Variants in DNM3 observed in about 807,000 individuals in gnomAD.
The protein encoded by DNM3 is dynamin-3.
Under a neutral mutation model 101.6 loss-of-function variants are expected in DNM3, and 47 were observed. That is an observed-to-expected ratio of 0.46 (90% CI 0.37 to 0.59). The LOEUF (loss-of-function observed/expected upper bound fraction) is 0.59. DNM3 is among the 20% of genes least tolerant of loss of function. The pLI is 0.00. For missense variants in DNM3, 849 were observed against 1,085.7 expected (o/e 0.78, Z 3.06); for synonymous variants, 385 against 387.9 (o/e 0.99, Z 0.09).
At chr1:172,259,821 CTTTT>C (rs2062567848) in intron 15 of DNM3, among the ~76,000 whole-genome samples, 2 of 151,586 alleles carry the variant, frequency 1.3e-5, no homozygotes, top group African/African-American at 2.4e-5. Flanking sequence ...TTTTTCCTTT[CTTTT>C]TCTCTCATAA....
chr1:172,118,851 C>T (rs1209597542), intron 13 of DNM3, among the ~76,000 whole-genome samples: 1 of 152,178 alleles, frequency 6.6e-6, no homozygotes, highest in Non-Finnish European at 1.5e-5. Context: ...TGAAGCTCCT[C>T]TCTGAGTCCC....
chr1:172,357,547 G>A (rs760237869), intron 17 of DNM3, among the ~76,000 whole-genome samples: 2 of 151,934 alleles, frequency 1.3e-5, no homozygotes, highest in African/African-American at 2.4e-5. Flanking sequence ...AATTATTAGG[G>A]TCATAAAAGA....
At chr1:172,065,744 C>T (rs2051604626) in intron 10 of DNM3, among the ~76,000 whole-genome samples, 1 of 152,118 alleles carries the variant, frequency 6.6e-6, no homozygotes, top group African/African-American at 2.4e-5. Context: ...GTAACCAAAG[C>T]AGTCAGGTTT....
At chr1:171,920,713 G>T (rs995311753) in intron 1 of DNM3, among the ~76,000 whole-genome samples, 13 of 152,174 alleles carry the variant, frequency 8.5e-5, no homozygotes, top group African/African-American at 2.4e-4. Context: ...ATGTGGCATT[G>T]CAGATGTAAT....
chr1:172,372,988 G>A (rs2068423687), intron 17 of DNM3, among the ~76,000 whole-genome samples: 1 of 151,756 alleles, frequency 6.6e-6, no homozygotes, highest in East Asian at 1.9e-4. Context: ...CCTGTGATGA[G>A]AATTTTTAAG....
At chr1:172,177,360 G>A (rs1427631651) in intron 14 of DNM3, among the ~76,000 whole-genome samples, 1 of 151,684 alleles carries the variant, frequency 6.6e-6, no homozygotes, top group Non-Finnish European at 1.5e-5. Context: ...ATCTCTTACA[G>A]TGCCTAATTT....
intron 8 of DNM3, among the ~76,000 whole-genome samples, chr1:172,042,785 T>C (rs1185098155): frequency 1.3e-4 from 20 of 152,124 alleles, no homozygotes; most frequent in Admixed American, 1.3e-3. Flanking sequence ...AGGGAGGAAG[T>C]GTCCAGTTCA....
chr1:172,110,390 T>G lies in DNM3; in HGVS notation c.1545+17515T>G, dbSNP rs77745356. On this transcript the variant is annotated intron_variant, in intron 13 of 20. Coordinates refer to ENST00000627582, the MANE Select transcript of DNM3 (RefSeq NM_015569.5). ...CTTGTTTAATGTCCATCTCCCCAAT[T>G]TGACTATATGCTCAGTTAGATCAGG... Among the ~76,000 whole-genome samples, 38 of 152,352 alleles carry G rather than the reference T, an allele frequency of 2.5e-4. No individual in the cohort carries two copies. In the East Asian group the frequency reaches 6.9e-3, roughly 28 times the overall value.
intron 2 of DNM3, among the ~76,000 whole-genome samples, chr1:171,956,306 C>T (rs2042853699): frequency 6.6e-6 from 1 of 152,140 alleles, no homozygotes; most frequent in Non-Finnish European, 1.5e-5. Context: ...TGGGGGTACC[C>T]ACTGGATAAA....
chr1:172,111,723 A>G (rs2055494660), intron 13 of DNM3, among the ~76,000 whole-genome samples: 2 of 152,230 alleles, frequency 1.3e-5, no homozygotes, highest in South Asian at 4.1e-4. Context: ...AAACTCAGAT[A>G]GTGAACAGAG....
chr1:172,385,202 A>C (rs796432307), intron 18 of DNM3, among the ~76,000 whole-genome samples: 69 of 152,366 alleles, frequency 4.5e-4, no homozygotes, highest in African/African-American at 1.6e-3. Flanking sequence ...TGAAACATTT[A>C]CCATCTTATG....
At chr1:172,334,917 C>T (rs893508482) in intron 17 of DNM3, among the ~76,000 whole-genome samples, 12 of 152,032 alleles carry the variant, frequency 7.9e-5, no homozygotes, top group Non-Finnish European at 1.3e-4. Context: ...CCTCTAAAAG[C>T]CTGTTTCAAA....
intron 2 of DNM3, among the ~76,000 whole-genome samples, chr1:171,964,366 C>T (rs544524844): frequency 6.6e-6 from 1 of 152,236 alleles, no homozygotes; most frequent in Admixed American, 6.6e-5. Flanking sequence ...CCAGAAACTC[C>T]CTTCTGTTGA....
chr1:172,337,938 C>CA (rs2066520478), intron 17 of DNM3, among the ~76,000 whole-genome samples: 1 of 94,884 alleles, frequency 1.1e-5, no homozygotes, highest in Admixed American at 1.1e-4. Context: ...TATTTTGAGA[C>CA]AGAGTCTGGC....
chr1:171,909,437 TAA>T (rs10554706), intron 1 of DNM3, among the ~76,000 whole-genome samples: 24,625 of 130,694 alleles, frequency 0.19, 2,342 homozygotes, highest in East Asian at 0.48. Flanking sequence ...GACTCTGTCT[TAA>T]AAAAAAAAAA....
At chr1:172,072,148 C>A (rs1241997902) in intron 11 of DNM3, among the ~76,000 whole-genome samples, 1 of 152,170 alleles carries the variant, frequency 6.6e-6, no homozygotes, top group Non-Finnish European at 1.5e-5. Flanking sequence ...TCAAATATTA[C>A]AGTTTATTGG....
At chr1:172,313,966 G>A (rs1396466409) in intron 16 of DNM3, among the ~76,000 whole-genome samples, 2 of 149,088 alleles carry the variant, frequency 1.3e-5, no homozygotes, top group African/African-American at 5.0e-5. Context: ...CCCCCGACAG[G>A]CCCCAGTGTG....
chr1:172,187,984 G>T (rs1444843216), intron 14 of DNM3, among the ~76,000 whole-genome samples: 2 of 151,894 alleles, frequency 1.3e-5, no homozygotes, highest in Admixed American at 1.3e-4. Flanking sequence ...CAATGAAAAG[G>T]TAAAGACAAT....
At chr1:172,253,530 C>G in intron 14 of DNM3, 43 bp from the exon 15 acceptor site, 1 of 1,233,318 alleles carries the variant, frequency 8.1e-7, no homozygotes, top group Non-Finnish European at 1.1e-6. Context: ...CTCTCCTCTC[C>G]TCTCCTCTCC....
Sources: allele counts gnomAD v4.1 joint callset (sites outside exome capture counted in the v4.1 genomes callset), GRCh38; gene constraint gnomAD v4.1.1; transcripts MANE v1.5; gene names NCBI Gene and HGNC (gene_info 2026-07-23, HGNC 2026-07-21).